The following TNNI3K variants were observed in gnomAD, a reference collection of about 807,000 sequenced individuals.
The protein encoded by TNNI3K is serine/threonine-protein kinase TNNI3K.
Under a neutral mutation model 114.5 loss-of-function variants are expected in TNNI3K, and 140 were observed. The observed-to-expected ratio is 1.22, with a 90% CI of 1.07 to 1.41. The LOEUF (loss-of-function observed/expected upper bound fraction) is 1.41. Among genes scored for constraint, TNNI3K ranks in the 40% most tolerant of loss-of-function variants. TNNI3K has a pLI of 0.00. For synonymous variants in TNNI3K, 347 were observed against 347.5 expected, an observed-to-expected ratio of 1.00 and a Z score of 0.02; for missense variants, 1,125 against 1,007.6, an observed-to-expected ratio of 1.12 and a Z score of -1.58.
chr1:74,436,989 G>T (rs1267095977), intron 19 of TNNI3K, among the ~76,000 whole-genome samples: 1 of 151,892 alleles, frequency 6.6e-6, no homozygotes, highest in Non-Finnish European at 1.5e-5. Flanking sequence ...AATAACTGAA[G>T]CAAGGATAAT....
At chr1:74,326,419 A>G (rs766472470) in intron 5 of TNNI3K, among the ~76,000 whole-genome samples, 1 of 152,208 alleles carries the variant, frequency 6.6e-6, no homozygotes, top group Non-Finnish European at 1.5e-5. Context: ...TAGCAAAAAC[A>G]TTTAACAAGA....
At chr1:74,442,141 G>A (rs1666401123) in intron 20 of TNNI3K, among the ~76,000 whole-genome samples, 1 of 151,602 alleles carries the variant, frequency 6.6e-6, no homozygotes, top group Admixed American at 6.6e-5. Flanking sequence ...CCCAGTTTGG[G>A]TTGAATTTGG....
intron 20 of TNNI3K, among the ~76,000 whole-genome samples, chr1:74,453,020 C>G (rs1244432195): frequency 6.6e-6 from 1 of 152,156 alleles, no homozygotes; most frequent in Non-Finnish European, 1.5e-5. Flanking sequence ...AGTGCAATTT[C>G]CTCCTTATCC....
chr1:74,486,484 T>G (rs865842783), intron 21 of TNNI3K, among the ~76,000 whole-genome samples: 2 of 143,212 alleles, frequency 1.4e-5, no homozygotes, highest in South Asian at 2.2e-4. Flanking sequence ...ATCACTTTTT[T>G]TGTGTGTGTT....
At position 74,439,316 on chromosome 1, in the gene TNNI3K, G is replaced by A. The variant is rs1181908603; in HGVS notation, c.1879-174G>A. On this transcript the variant is annotated intron_variant, in intron 19 of 24. Coordinates refer to ENST00000326637, the MANE Select transcript of TNNI3K (RefSeq NM_015978.3). Reference sequence around the variant, plus strand: ...CAGCCACAGTAAACACACTGTGTATGTATAAACATGTTTATTGCACACACT... The same window carrying A: ...CAGCCACAGTAAACACACTGTGTATATATAAACATGTTTATTGCACACACT... 2.6e-5 allele frequency: 25 copies of A among 972,380 alleles called. No homozygotes were observed. In the Admixed American group the frequency reaches 4.4e-4, roughly 17 times the overall value. 60.2% of individuals were successfully genotyped at this position (972,380 alleles called of 1,614,324 possible).
chr1:74,393,575 A>G (rs1259988440), intron 17 of TNNI3K, among the ~76,000 whole-genome samples: 4 of 152,224 alleles, frequency 2.6e-5, no homozygotes, highest in Non-Finnish European at 4.4e-5. Context: ...GCCAGTTTGA[A>G]CAAAAAATAA....
chr1:74,443,992 T>A (rs1244714388), intron 20 of TNNI3K, among the ~76,000 whole-genome samples: 1 of 152,166 alleles, frequency 6.6e-6, no homozygotes, highest in East Asian at 1.9e-4. Context: ...ATAAACTAGG[T>A]ATTGATGGAA....
intron 5 of TNNI3K, among the ~76,000 whole-genome samples, chr1:74,278,944 T>C (rs1656839762): frequency 6.6e-6 from 1 of 152,224 alleles, no homozygotes; most frequent in South Asian, 2.1e-4. Flanking sequence ...ATCAAAATTA[T>C]GTTATAATTA....
At chr1:74,430,941 G>A (rs1024577866) in intron 17 of TNNI3K, among the ~76,000 whole-genome samples, 2 of 152,108 alleles carry the variant, frequency 1.3e-5, no homozygotes, top group Admixed American at 1.3e-4. Context: ...TGTCTCTATT[G>A]TGAGTTTTGA....
intron 17 of TNNI3K, among the ~76,000 whole-genome samples, chr1:74,390,419 T>G (rs1292472209): frequency 1.3e-5 from 2 of 152,078 alleles, no homozygotes; most frequent in Non-Finnish European, 2.9e-5. Context: ...GGTACAGGAG[T>G]GAATATTGTC....
At chr1:74,458,104 A>C (rs1274726820) in intron 20 of TNNI3K, among the ~76,000 whole-genome samples, 1 of 152,200 alleles carries the variant, frequency 6.6e-6, no homozygotes, top group African/African-American at 2.4e-5. Context: ...ACGCAGCTAC[A>C]CTTGTTGAGA....
chr1:74,310,608 A>G (rs1166780093), intron 5 of TNNI3K, among the ~76,000 whole-genome samples: 1 of 152,146 alleles, frequency 6.6e-6, no homozygotes, highest in East Asian at 1.9e-4. Context: ...TGGTACTGGT[A>G]CAAAGATAGG....
chr1:74,236,266 T>G, intron 2 of TNNI3K, 56 bp downstream of exon 2: 1 of 1,462,690 alleles, frequency 6.8e-7, no homozygotes, highest in Non-Finnish European at 9.4e-7. Flanking sequence ...ATTCACCTTA[T>G]TTTTTAAAGT....
intron 23 of TNNI3K, among the ~76,000 whole-genome samples, chr1:74,505,064 T>C (rs776288777): frequency 4.6e-5 from 7 of 152,134 alleles, no homozygotes; most frequent in Non-Finnish European, 7.4e-5. Flanking sequence ...AGGTTTTCAT[T>C]CCTGAAAATG....
chr1:74,366,677 C>T (rs1011025349), intron 11 of TNNI3K: 1 of 151,998 alleles, frequency 6.6e-6, no homozygotes, highest in African/African-American at 2.4e-5. Flanking sequence ...ATGCAAGGTA[C>T]ATAGGAAAAT....
At chr1:74,317,620 A>G (rs1659385367) in intron 5 of TNNI3K, among the ~76,000 whole-genome samples, 1 of 152,146 alleles carries the variant, frequency 6.6e-6, no homozygotes, top group South Asian at 2.1e-4. Context: ...ATGGCCAGGG[A>G]CCAGGTGACT....
chr1:74,489,676 C>T (rs752614317), intron 22 of TNNI3K, among the ~76,000 whole-genome samples: 2 of 152,064 alleles, frequency 1.3e-5, no homozygotes, highest in Non-Finnish European at 2.9e-5. Context: ...AGTTGGAATG[C>T]ATTGCTTTCA....
At chr1:74,482,143 G>A (rs1050621437) in intron 21 of TNNI3K, among the ~76,000 whole-genome samples, 2 of 152,104 alleles carry the variant, frequency 1.3e-5, no homozygotes, top group African/African-American at 4.8e-5. Context: ...GGATGAAGGA[G>A]GTTTGTTTTC....
At chr1:74,416,426 G>A in intron 17 of TNNI3K, 1 of 959,724 alleles carries the variant, frequency 1.0e-6, no homozygotes, top group East Asian at 1.2e-4. Context: ...TTGTTAGCAT[G>A]CGTGACATAG....
Sources: allele counts gnomAD v4.1 joint callset (sites outside exome capture counted in the v4.1 genomes callset), GRCh38; gene constraint gnomAD v4.1.1; transcripts MANE v1.5; gene names NCBI Gene and HGNC (gene_info 2026-07-23, HGNC 2026-07-21).